SAMD4B: variants seen among roughly 807,000 people sequenced by gnomAD.
The protein encoded by SAMD4B is protein Smaug homolog 2.
In SAMD4B, 5 loss-of-function variants were observed where a neutral mutation model predicts 74.5. That is an observed-to-expected ratio of 0.07 (90% confidence interval 0.04 to 0.14). SAMD4B has a LOEUF of 0.14. SAMD4B is among the 10% of genes least tolerant of loss of function. SAMD4B has a pLI of 1.00. For missense variants in SAMD4B, 608 were observed against 921.8 expected, an observed-to-expected ratio of 0.66 and a Z score of 4.41; for synonymous variants, 373 against 374.9, an observed-to-expected ratio of 1.00 and a Z score of 0.06.
chr19:39,376,352 C>T lies in SAMD4B; in HGVS notation c.908-85C>T, dbSNP rs1469452195. On this transcript the variant is annotated intron_variant, in intron 5 of 13. Transcript: ENST00000610417. ...AATTTTTTGCATCTTTTGAGGCTTC[C>T]TGTGGGTTTATCCCCACAACTTTTC... is the stretch of plus-strand genomic sequence containing the variant. 8 of 1,134,844 alleles carry T rather than the reference C, an allele frequency of 7.0e-6. 1 individual carries two copies. In the South Asian group the frequency reaches 1.1e-4, roughly 15 times the overall value. The allele number at this position is 1,134,844 out of a possible 1,614,324, so 70.3% of individuals were successfully genotyped here.
chr19:39,385,886 T>C (rs746997424), downstream of SAMD4B: 324 of 1,506,566 alleles, frequency 2.2e-4, 1 homozygote, highest in Non-Finnish European at 2.1e-4. Flanking sequence ...AGCAAAGGTT[T>C]GGGGGTGGGG....
rs897612575 is a variant in SAMD4B, at chr19:39,375,246, A to G, written c.668-404A>G. ...GAAGCATTTGTATTTTGTTCCCACT[A>G]TGAAAGGAAGTCACAGGGATTTGAG... On this transcript the variant is annotated intron_variant, in intron 4 of 13. Transcript: ENST00000610417. This position sits in a 1 kb window ranked among gnomAD's most constrained non-coding sequence, Gnocchi z 4.1. Among the ~76,000 whole-genome samples the G allele has an allele frequency of 1.3e-5, 2 of 152,202 alleles. No homozygotes were observed. The highest frequency in any genetic ancestry group is 6.5e-5 in the Admixed American group (1 of 15,278).
At chr19:39,390,374 G>A, downstream of SAMD4B, 1 of 1,293,264 alleles carries the variant, frequency 7.7e-7, no homozygotes, top group African/African-American at 2.3e-5. Flanking sequence ...CTTTCAAAAG[G>A]TAGGAGGGGT....
chr19:39,390,022 C>T, downstream of SAMD4B: 1 of 1,469,626 alleles, frequency 6.8e-7, no homozygotes, highest in Non-Finnish European at 9.5e-7. Flanking sequence ...CAGTCCCTGC[C>T]TTCAAGGAAC....
downstream of SAMD4B, chr19:39,385,722 A>G (rs1417242470): frequency 7.3e-6 from 4 of 546,972 alleles, no homozygotes; most frequent in South Asian, 2.7e-5. Flanking sequence ...GTTGTGCTAC[A>G]TTTTGTGGGA....
At chr19:39,359,179 T>C (rs1452365903) in intron 3 of SAMD4B, among the ~76,000 whole-genome samples, 2 of 152,222 alleles carry the variant, frequency 1.3e-5, no homozygotes, top group African/African-American at 4.8e-5. Context: ...TGGGGGCTCC[T>C]GTGGGGCAGG....
chr19:39,378,798 G>A lies in SAMD4B; in HGVS notation c.1530+209G>A, dbSNP rs1395808365. ...GGCAGGTGCCTGCAGTCCCAGCTAC[G>A]CGGGAGGCTGAGGCAGAATGGCGTG... is the stretch of plus-strand genomic sequence containing the variant. On this transcript the variant is annotated intron_variant, in intron 9 of 13. Coordinates refer to ENST00000610417, the MANE Select transcript of SAMD4B (RefSeq NM_001384574.2). This position sits in a 1 kb window ranked among gnomAD's most constrained non-coding sequence, Gnocchi z 4.4. Among the ~76,000 whole-genome samples, 1 of 152,222 alleles carries A rather than the reference G, an allele frequency of 6.6e-6. No individual in the cohort carries two copies. The highest frequency in any genetic ancestry group is 1.5e-5 in the Non-Finnish European group (1 of 68,036).
In SAMD4B at chr19:39,383,506, A is replaced by G. The variant is rs2145901884; in HGVS notation, c.2064A>G (p.Thr688=). The G allele has an allele frequency of 6.2e-7, 1 of 1,614,196 alleles. No homozygotes were observed. Among genetic ancestry groups the G allele is most frequent in the East Asian group, 2.2e-5 (1 of 44,880 alleles). ...CTCCCTTTCTTACCACAGATGGGAC[A>G]GACAAAACCTCCACCATCTGACGGG... ...SMTEHALGDG[T]DKTSTI Residue 688 remains threonine (T), a synonymous_variant, in exon 14 of 14, where the codon ACA becomes ACG. Coordinates refer to ENST00000610417, the MANE Select transcript of SAMD4B (RefSeq NM_001384574.2). This position sits in a 1 kb window ranked among gnomAD's most constrained non-coding sequence, Gnocchi z 4.1.
Position 39,377,784 on chromosome 19 carries a change from C to T in SAMD4B, c.1404C>T (p.Asp468=), listed in dbSNP as rs749441699. ...AGCCTGCCCCGGCTCCCGTCGCCGACGGAGACATCCCCAGCCAGTTTACAC... is the reference window on the plus strand; with the variant it reads ...AGCCTGCCCCGGCTCCCGTCGCCGATGGAGACATCCCCAGCCAGTTTACAC... ...GSEPAPAPVA[D]GDIPSQFTRV... is the part of the protein sequence containing the mutation. Residue 468 remains aspartate (D), a synonymous_variant, in exon 8 of 14, where the codon GAC becomes GAT. Transcript: ENST00000610417. 1.6e-5 allele frequency: 26 copies of T among 1,610,836 alleles called. No homozygotes were observed. The highest frequency in any genetic ancestry group is 8.0e-5 in the African/African-American group (6 of 74,924).
chr19:39,379,303 G>A (rs1055166046), intron 9 of SAMD4B, among the ~76,000 whole-genome samples: 1 of 152,068 alleles, frequency 6.6e-6, no homozygotes, highest in Non-Finnish European at 1.5e-5. Context: ...TGCCCAGCCC[G>A]TACATACTCT....
chr19:39,348,797 TGTG>T (rs572677215), intron 1 of SAMD4B, among the ~76,000 whole-genome samples: 4 of 151,956 alleles, frequency 2.6e-5, no homozygotes, highest in Admixed American at 1.3e-4. Context: ...GTGACATGAA[TGTG>T]GTGGTGGTGG....
chr19:39,390,712 G>A, the SAMD4B span: 1 of 1,208,196 alleles, frequency 8.3e-7, no homozygotes, highest in Non-Finnish European at 1.2e-6. Flanking sequence ...CGTCAAAGGT[G>A]AGCGCTTCAT....
chr19:39,390,409 G>A (rs549670091), downstream of SAMD4B: 13 of 911,520 alleles, frequency 1.4e-5, no homozygotes, highest in Non-Finnish European at 2.3e-5. Flanking sequence ...TCTTTGGGTG[G>A]TGGTGTGGGG....
downstream of SAMD4B, chr19:39,389,579 G>C (rs747894341): frequency 6.2e-7 from 1 of 1,614,114 alleles, no homozygotes; most frequent in Admixed American, 1.7e-5. This position sits in a 1 kb window ranked among gnomAD's most constrained non-coding sequence, Gnocchi z 5.3. Context: ...AGGACCATGA[G>C]GGAGGCCCAG....
rs774145398 is a variant in SAMD4B, at chr19:39,375,873, T to C, written c.891T>C (p.Asp297=). The change falls in exon 5 of 14, where the codon GAT becomes GAC. Residue 297 remains aspartate (D), a synonymous_variant. Transcript: ENST00000610417. This position sits in a 1 kb window ranked among gnomAD's most constrained non-coding sequence, Gnocchi z 4.1. ...QGSSRNTFQE[D]GSGMKDVPSW... is the part of the protein sequence containing the mutation. ...CCAGCCGGAACACCTTCCAGGAGGA[T>C]GGCAGTGGCATGAAAGGTACATTGG... 8 of 1,608,568 alleles carry C rather than the reference T, an allele frequency of 5.0e-6. No homozygotes were observed. In the Admixed American group the frequency reaches 8.3e-5, roughly 17 times the overall value.
At chr19:39,389,916 G>A, downstream of SAMD4B, 1 of 1,120,938 alleles carries the variant, frequency 8.9e-7, no homozygotes, top group Non-Finnish European at 1.3e-6. The surrounding 1 kb of genome is among the most constrained non-coding windows in gnomAD (Gnocchi z 5.3). Flanking sequence ...AAGGGACTTG[G>A]ACACTGCTTG....
In SAMD4B at chr19:39,375,758, G is replaced by C. The variant is rs762545284; in HGVS notation, c.776G>C (p.Arg259Pro). ...CCGAGTCCAGAGGAGCTTGGGGCCC[G>C]GGCTGCTTTTACCACGCCCGATCAC... ...EWPSPEELGARAAFTTPDHAP... is the reference protein window; with the variant it reads ...EWPSPEELGAPAAFTTPDHAP... Residue 259 changes from arginine (R) to proline (P), a missense_variant, in exon 5 of 14, where the codon CGG (arginine) becomes CCG (proline). Coordinates refer to ENST00000610417, the MANE Select transcript of SAMD4B (RefSeq NM_001384574.2). This position sits in a 1 kb window ranked among gnomAD's most constrained non-coding sequence, Gnocchi z 4.1. 3.1e-6 allele frequency: 5 copies of C among 1,614,144 alleles called. No individual in the cohort carries two copies. Among genetic ancestry groups the C allele is most frequent in the Non-Finnish European group, 4.2e-6 (5 of 1,180,040 alleles).
chr19:39,375,639 A>G lies in SAMD4B; in HGVS notation c.668-11A>G, dbSNP rs1455929936. 3.1e-6 allele frequency: 5 copies of G among 1,593,662 alleles called. No homozygotes were observed. In the African/African-American group the frequency reaches 6.7e-5, roughly 21 times the overall value. On this transcript the variant is annotated splice_polypyrimidine_tract_variant and intron_variant, in intron 4 of 13. Coordinates refer to ENST00000610417, the MANE Select transcript of SAMD4B (RefSeq NM_001384574.2). The surrounding 1 kb of genome is among the most constrained non-coding windows in gnomAD (Gnocchi z 4.1). ...AGGTCTAATATTTTGCTTTTCTCCCACTCTGGCCAGGTCTCCCCTGCCAAA... is the reference window on the plus strand; with the variant it reads ...AGGTCTAATATTTTGCTTTTCTCCCGCTCTGGCCAGGTCTCCCCTGCCAAA...
downstream of SAMD4B, chr19:39,389,901 G>T: frequency 8.1e-7 from 1 of 1,228,588 alleles, no homozygotes; most frequent in Non-Finnish European, 1.2e-6. The surrounding 1 kb of genome is among the most constrained non-coding windows in gnomAD (Gnocchi z 5.3). Context: ...TGGCTCCCCA[G>T]TGGGAAGGGA....
Sources: allele counts gnomAD v4.1 joint callset (sites outside exome capture counted in the v4.1 genomes callset), GRCh38; gene constraint gnomAD v4.1.1; non-coding constraint Gnocchi (gnomAD v3.1); transcripts MANE v1.5; gene names NCBI Gene and HGNC (gene_info 2026-07-23, HGNC 2026-07-21).